The following CC2D1A variants were observed in gnomAD, a reference collection of about 807,000 sequenced individuals.
CC2D1A encodes the protein coiled-coil and C2 domain containing 1A.
A neutral mutation model predicts 123.8 loss-of-function variants in CC2D1A; 68 were observed. The observed-to-expected ratio is 0.55, with a 90% CI of 0.45 to 0.67. The LOEUF is 0.67. Among genes scored for constraint, CC2D1A ranks in the 30% least tolerant of loss-of-function variants. The pLI is 0.00. For missense variants in CC2D1A, 1,185 were observed against 1,290.3 expected, an observed-to-expected ratio of 0.92 and a Z score of 1.25; for synonymous variants, 477 against 528.0, an observed-to-expected ratio of 0.90 and a Z score of 1.32.
rs765371173 is a variant in CC2D1A at position 13,909,909 on chromosome 19, G to A, written c.147G>A (p.Leu49=). The A allele has an allele frequency of 7.7e-6, 12 of 1,549,402 alleles. No homozygotes were observed. Among genetic ancestry groups the A allele is most frequent in the Non-Finnish European group, 1.0e-5 (12 of 1,146,728 alleles). ...ATGAAGAACTGGAGGCTGAGTTCTTGGCTTTGGTCGGGGGCCAGCCCCCAG... is the reference window on the plus strand; with the variant it reads ...ATGAAGAACTGGAGGCTGAGTTCTTAGCTTTGGTCGGGGGCCAGCCCCCAG... ...ANDEELEAEF[L]ALVGGQPPAL... Residue 49 remains leucine (L), a synonymous_variant, in exon 2 of 29, where the codon TTG becomes TTA. Transcript: ENST00000318003.
chr19:13,910,407 C>CAAA (rs766322114), intron 2 of CC2D1A, among the ~76,000 whole-genome samples: 17 of 40,774 alleles, frequency 4.2e-4, no homozygotes, highest in African/African-American at 7.1e-4. Flanking sequence ...GACTCCGTCT[C>CAAA]AAAAAAAAAA....
At chr19:13,910,165 G>A (rs574225594) in intron 2 of CC2D1A, among the ~76,000 whole-genome samples, 8 of 151,024 alleles carry the variant, frequency 5.3e-5, no homozygotes, top group African/African-American at 7.3e-5. Context: ...TTGGGAGGCC[G>A]AGGCAGGCAG....
intron 14 of CC2D1A, among the ~76,000 whole-genome samples, chr19:13,922,151 G>A (rs534231170): frequency 1.8e-4 from 28 of 152,234 alleles, no homozygotes; most frequent in Non-Finnish European, 2.8e-4. Flanking sequence ...ACAGGCACAC[G>A]CCACCATGCC....
Position 13,912,534 on chromosome 19 carries a change from C to A in CC2D1A, c.319C>A (p.Leu107Ile). The change falls in exon 4 of 29, where the codon CTA (leucine) becomes ATA (isoleucine). Residue 107 changes from leucine to isoleucine, a missense_variant. Coordinates refer to ENST00000318003, the MANE Select transcript of CC2D1A (RefSeq NM_017721.5). ...TGGCTGTGTGTCCCTGCAGGCGGAGCTAAATGAGGTCCTTGGAGAGGAGCA... is the reference window on the plus strand; with the variant it reads ...TGGCTGTGTGTCCCTGCAGGCGGAGATAAATGAGGTCCTTGGAGAGGAGCA... The part of the protein sequence containing the change: ...LEADDDLLAE[L>I]NEVLGEEQKA... 2 of 1,614,128 alleles carry A rather than the reference C, an allele frequency of 1.2e-6. No individual in the cohort carries two copies. Among genetic ancestry groups the A allele is most frequent in the Non-Finnish European group, 1.7e-6 (2 of 1,180,034 alleles).
chr19:13,913,900 A>G (rs1264742099), intron 6 of CC2D1A, among the ~76,000 whole-genome samples: 2 of 151,980 alleles, frequency 1.3e-5, no homozygotes, highest in African/African-American at 4.8e-5. Flanking sequence ...CTTTTTTTTG[A>G]GATGGAGTTT....
chr19:13,918,088 C>T lies in CC2D1A; in HGVS notation c.767C>T (p.Pro256Leu), dbSNP rs1971270409. ...CTTCCAGGTCCCTGCAGCCCTGGCC[C>T]TCTGGCCCAGTTGCAGAGCCGCCAG... Reference protein sequence around the residue: ...QMPPGPCSPGPLAQLQSRQRD... With the variant: ...QMPPGPCSPGLLAQLQSRQRD... Residue 256 changes from proline (P) to leucine (L), a missense_variant, in exon 7 of 29, where the codon CCT becomes CTT. Coordinates refer to ENST00000318003, the MANE Select transcript of CC2D1A (RefSeq NM_017721.5). The T allele has an allele frequency of 1.2e-6, 2 of 1,613,038 alleles. No homozygotes were observed. The highest frequency in any genetic ancestry group is 1.7e-5 in the Admixed American group (1 of 59,984).
intron 17 of CC2D1A, among the ~76,000 whole-genome samples, chr19:13,925,215 G>A (rs974206745): frequency 2.0e-5 from 3 of 152,166 alleles, no homozygotes; most frequent in African/African-American, 7.2e-5. Flanking sequence ...ATTGAGCACA[G>A]GGTATGGGTA....
In CC2D1A at chr19:13,913,233, G is replaced by T. The variant is rs761307774; in HGVS notation, c.444G>T (p.Gln148His). ...TGCAGGAGAGGCTGGCGCTCTATCA[G>T]ACAGCAATTGAAAGCGCCAGACAAG... ...TTLQERLALY[Q>H]TAIESARQAG... Residue 148 changes from glutamine to histidine, a missense_variant, in exon 5 of 29, where the codon CAG (glutamine) becomes CAT (histidine). Gln to His is a conservative substitution (Grantham distance 24). Coordinates refer to ENST00000318003, the MANE Select transcript of CC2D1A (RefSeq NM_017721.5). The T allele has an allele frequency of 6.2e-7, 1 of 1,613,444 alleles. No homozygotes were observed. The highest frequency in any genetic ancestry group is 8.5e-7 in the Non-Finnish European group (1 of 1,179,928).
chr19:13,920,645 C>T lies in CC2D1A; in HGVS notation c.1445C>T (p.Pro482Leu). Residue 482 changes from proline to leucine, a missense_variant, in exon 13 of 29, where the codon CCC becomes CTC. Transcript: ENST00000318003. The part of the protein sequence containing the change: ...QSGSAPTAKA[P>L]PKATSTRAQQ... ...GGATCAGCCCCAACAGCCAAAGCGC[C>T]CCCCAAAGCCACATCCACCAGAGGT... The T allele has an allele frequency of 1.2e-6, 2 of 1,610,570 alleles. No individual in the cohort carries two copies. The highest frequency in any genetic ancestry group is 8.5e-7 in the Non-Finnish European group (1 of 1,178,290).
intron 4 of CC2D1A, among the ~76,000 whole-genome samples, chr19:13,912,795 G>C (rs1306225439): frequency 6.6e-6 from 1 of 152,194 alleles, no homozygotes; most frequent in Non-Finnish European, 1.5e-5. Context: ...TGGGATTACA[G>C]GTGTGTGCCA....
At chr19:13,928,465 T>G (rs1002950612) in intron 24 of CC2D1A, among the ~76,000 whole-genome samples, 1 of 152,018 alleles carries the variant, frequency 6.6e-6, no homozygotes, top group African/African-American at 2.4e-5. Context: ...TCTGGACTTC[T>G]GTGGGTTCCA....
chr19:13,930,091 G>T lies in CC2D1A; in HGVS notation c.2724G>T (p.Gln908His). 6.2e-7 allele frequency: 1 copy of T among 1,613,088 alleles called. No individual in the cohort carries two copies. Among genetic ancestry groups the T allele is most frequent in the Non-Finnish European group, 8.5e-7 (1 of 1,179,678 alleles). Residue 908 changes from glutamine to histidine, a missense_variant, in exon 27 of 29, where the codon CAG becomes CAT. Coordinates refer to ENST00000318003, the MANE Select transcript of CC2D1A (RefSeq NM_017721.5). The surrounding 1 kb of genome is among the most constrained non-coding windows in gnomAD (Gnocchi z 6.8). ...ATCCATTCTCAGAATACGCAGCCCA[G>T]CTGGAGCGGCAGCTGCAGTTCTACA... ...GVGIRREYAA[Q>H]LERQLQFYTE...
chr19:13,922,163 G>A (rs560376565), intron 14 of CC2D1A, among the ~76,000 whole-genome samples: 3 of 152,090 alleles, frequency 2.0e-5, no homozygotes, highest in Admixed American at 6.6e-5. Context: ...CACCATGCCC[G>A]GCTAATTTTT....
chr19:13,920,493 C>T, intron 12 of CC2D1A, 64 bp from the exon 13 acceptor site: 1 of 974,158 alleles, frequency 1.0e-6, no homozygotes, highest in Non-Finnish European at 1.6e-6. Flanking sequence ...AGACCCTGAT[C>T]CTTGGGGACT....
chr19:13,914,652 T>A (rs1971139149), intron 6 of CC2D1A, among the ~76,000 whole-genome samples: 1 of 150,516 alleles, frequency 6.6e-6, no homozygotes, highest in Non-Finnish European at 1.5e-5. Flanking sequence ...TTTTTTTTTT[T>A]TTTGAAACAG....
chr19:13,926,451 C>T (rs77712448), intron 17 of CC2D1A, 66 bp from the exon 18 acceptor site: 338 of 1,458,108 alleles, frequency 2.3e-4, no homozygotes, highest in East Asian at 5.7e-4. Flanking sequence ...AGAAGGCAGG[C>T]GGGCAGTGGG....
At position 13,909,525 on chromosome 19, in the gene CC2D1A, G is replaced by A. The variant is rs1002368300; in HGVS notation, c.61-298G>A. 2.7e-4 allele frequency among the ~76,000 whole-genome samples: 41 copies of A among 152,078 alleles called. 1 individual carries two copies. The highest frequency in any genetic ancestry group is 3.3e-4 in the Admixed American group (5 of 15,284). ...TGGGATGACAGGCGTGAGCCACTGC[G>A]CCCAGCCAGGGGCCTGCTTTTCCCA... is the stretch of plus-strand genomic sequence containing the variant. On this transcript the variant is annotated intron_variant, in intron 1 of 28. Transcript: ENST00000318003.
At position 13,918,092 on chromosome 19, in the gene CC2D1A, G is replaced by GGCCCAGTT. The variant is rs1196522683; in HGVS notation, c.774_781dup (p.Gln261ProfsTer43). 1 of 1,612,932 alleles carries GGCCCAGTT rather than the reference G, an allele frequency of 6.2e-7. No homozygotes were observed. Among genetic ancestry groups the GGCCCAGTT allele is most frequent in the African/African-American group, 1.3e-5 (1 of 74,914 alleles). ...CAGGTCCCTGCAGCCCTGGCCCTCT[G>GGCCCAGTT]GCCCAGTTGCAGAGCCGCCAGCGCG... On this transcript the variant is annotated frameshift_variant, in exon 7 of 29. Transcript: ENST00000318003. LOFTEE classifies it high-confidence loss of function.
In CC2D1A at chr19:13,927,975, A is replaced by G. The variant is rs1971706978; in HGVS notation, c.2399A>G (p.Glu800Gly). The part of the protein sequence containing the change: ...IREPLTAQQL[E>G]TTTERWLVID... ...GAGCCACTGACAGCCCAGCAGTTGGAGACGACGACAGAGAGGTGGCTGGTC... is the reference window on the plus strand; with the variant it reads ...GAGCCACTGACAGCCCAGCAGTTGGGGACGACGACAGAGAGGTGGCTGGTC... Residue 800 changes from glutamate (E) to glycine (G), a missense_variant, in exon 23 of 29, where the codon GAG (glutamate) becomes GGG (glycine). Glu to Gly is a moderately conservative substitution (Grantham distance 98). Transcript: ENST00000318003. 2 of 1,613,724 alleles carry G rather than the reference A, an allele frequency of 1.2e-6. No homozygotes were observed. Among genetic ancestry groups the G allele is most frequent in the Non-Finnish European group, 8.5e-7 (1 of 1,179,886 alleles).
Sources: allele counts gnomAD v4.1 joint callset (sites outside exome capture counted in the v4.1 genomes callset), GRCh38; gene constraint gnomAD v4.1.1; non-coding constraint Gnocchi (gnomAD v3.1); transcripts MANE v1.5; gene names NCBI Gene and HGNC (gene_info 2026-07-23, HGNC 2026-07-21).